CSMD2: variants seen among roughly 807,000 people sequenced by gnomAD.
CSMD2 encodes the protein CUB and sushi domain-containing protein 2.
CSMD2 carries 130 observed loss-of-function variants against 398.5 expected under a neutral mutation model. The observed-to-expected ratio is 0.33, with a 90% CI of 0.28 to 0.38. The LOEUF is 0.38. CSMD2 is among the 10% of genes least tolerant of loss of function. CSMD2 has a pLI of 1.00. For missense variants in CSMD2, 3,829 were observed against 4,764.9 expected, an observed-to-expected ratio of 0.80 and a Z score of 5.78; for synonymous variants, 1,828 against 1,908.5, an observed-to-expected ratio of 0.96 and a Z score of 1.10.
intron 46 of CSMD2, among the ~76,000 whole-genome samples, chr1:33,585,658 C>T (rs923225637): frequency 3.9e-5 from 6 of 152,224 alleles, no homozygotes; most frequent in African/African-American, 1.4e-4. Context: ...TCGTGGTCCT[C>T]TCCTGCCTCT....
At chr1:33,598,233 T>C (rs1309838276) in intron 44 of CSMD2, among the ~76,000 whole-genome samples, 1 of 152,228 alleles carries the variant, frequency 6.6e-6, no homozygotes, top group Non-Finnish European at 1.5e-5. Flanking sequence ...ACATACATGT[T>C]ACATACATTT....
At chr1:34,071,077 C>T (rs1363661823) in intron 2 of CSMD2, among the ~76,000 whole-genome samples, 1 of 152,196 alleles carries the variant, frequency 6.6e-6, no homozygotes, top group African/African-American at 2.4e-5. Context: ...CCTTATGAGA[C>T]TTAATAAGGC....
chr1:33,778,415 T>A (rs1020002587), intron 12 of CSMD2, among the ~76,000 whole-genome samples: 7 of 152,106 alleles, frequency 4.6e-5, no homozygotes, highest in African/African-American at 1.7e-4. Context: ...ATTGGGGGTA[T>A]AACAGCGAAT....
chr1:33,843,942 A>C (rs145002310), intron 6 of CSMD2, among the ~76,000 whole-genome samples: 6 of 152,100 alleles, frequency 3.9e-5, no homozygotes, highest in Non-Finnish European at 8.8e-5. Flanking sequence ...GTCCCTTTGC[A>C]CACCTAGTGG....
intron 44 of CSMD2, among the ~76,000 whole-genome samples, chr1:33,596,941 A>G (rs909884525): frequency 6.6e-6 from 1 of 152,008 alleles, no homozygotes; most frequent in Non-Finnish European, 1.5e-5. Flanking sequence ...CTTTCTTTTC[A>G]TTTGTGTGCT....
chr1:33,645,462 C>A (rs553660840), intron 29 of CSMD2, among the ~76,000 whole-genome samples: 3 of 151,322 alleles, frequency 2.0e-5, no homozygotes, highest in Non-Finnish European at 4.4e-5. Flanking sequence ...TTACTAGCAA[C>A]AATTTGTAGA....
At chr1:33,759,836 T>C (rs369644744) in intron 13 of CSMD2, among the ~76,000 whole-genome samples, 1 of 152,198 alleles carries the variant, frequency 6.6e-6, no homozygotes, top group East Asian at 1.9e-4. Flanking sequence ...GATGGCACTA[T>C]GGATAATTAC....
intron 5 of CSMD2, among the ~76,000 whole-genome samples, chr1:33,916,287 C>T (rs1036448407): frequency 3.9e-5 from 6 of 152,146 alleles, no homozygotes; most frequent in Non-Finnish European, 7.3e-5. Flanking sequence ...AAGGGGAGTA[C>T]ATCAAAATTG....
chr1:34,156,797 T>C (rs1294576459), intron 1 of CSMD2, among the ~76,000 whole-genome samples: 2 of 152,288 alleles, frequency 1.3e-5, no homozygotes, highest in East Asian at 3.9e-4. Context: ...AAAAGTTCCT[T>C]ATAATAATGA....
rs1661037105 is a variant in CSMD2 at position 34,111,107 on chromosome 1, C to T, written c.188-21914G>A. On this transcript the variant is annotated intron_variant, in intron 1 of 70. Coordinates refer to ENST00000373381, the MANE Select transcript of CSMD2 (RefSeq NM_001281956.2). ...AATATTTACTTCACAAGAGAAAGGCCTTTGTTTTACTCACTGATGCGTCCC... is the reference window on the plus strand; with the variant it reads ...AATATTTACTTCACAAGAGAAAGGCTTTTGTTTTACTCACTGATGCGTCCC... Among the ~76,000 whole-genome samples the T allele has an allele frequency of 2.0e-5, 3 of 152,106 alleles. No individual in the cohort carries two copies. In the South Asian group the frequency reaches 6.2e-4, roughly 31 times the overall value.
chr1:33,828,660 C>G (rs976389002), intron 6 of CSMD2, among the ~76,000 whole-genome samples: 5 of 152,074 alleles, frequency 3.3e-5, no homozygotes, highest in Non-Finnish European at 7.4e-5. Flanking sequence ...GGAGGCGATG[C>G]TAAGAGGGAG....
chr1:33,978,149 C>G (rs1646036639), intron 3 of CSMD2, among the ~76,000 whole-genome samples: 1 of 152,086 alleles, frequency 6.6e-6, no homozygotes, highest in South Asian at 2.1e-4. Flanking sequence ...GCAATTTTCC[C>G]AAGGTCATGC....
chr1:33,588,836 T>C (rs1257982679), intron 44 of CSMD2, among the ~76,000 whole-genome samples: 1 of 152,038 alleles, frequency 6.6e-6, no homozygotes, highest in Non-Finnish European at 1.5e-5. Flanking sequence ...CACTAGGTGG[T>C]AGAGTACAGT....
At chr1:33,538,341 A>G (rs964706387) in intron 60 of CSMD2, among the ~76,000 whole-genome samples, 14 of 152,216 alleles carry the variant, frequency 9.2e-5, no homozygotes, top group African/African-American at 3.4e-4. Context: ...TGGGTAGTGC[A>G]TGGGTGTACC....
chr1:34,164,110 G>C lies in CSMD2; in HGVS notation c.187+801C>G, dbSNP rs1386927593. ...AGCCGAGGCGCTCGGCTGCAGCAGG[G>C]CGCGGGAAAGGGCACTTTGGCGCGG... On this transcript the variant is annotated intron_variant, in intron 1 of 70. Coordinates refer to ENST00000373381, the MANE Select transcript of CSMD2 (RefSeq NM_001281956.2). This position sits in a 1 kb window ranked among gnomAD's most constrained non-coding sequence, Gnocchi z 6.2. 2.6e-5 allele frequency among the ~76,000 whole-genome samples: 4 copies of C among 152,154 alleles called. No individual in the cohort carries two copies. Among genetic ancestry groups the C allele is most frequent in the African/African-American group, 9.6e-5 (4 of 41,454 alleles).
chr1:33,546,132 C>T lies in CSMD2; in HGVS notation c.9005G>A (p.Arg3002His), dbSNP rs368320095. 1.1e-4 allele frequency: 183 copies of T among 1,614,186 alleles called. No homozygotes were observed. The highest frequency in any genetic ancestry group is 1.3e-4 in the East Asian group (6 of 44,880). The change falls in exon 57 of 71, where the codon CGC (arginine) becomes CAC (histidine). Residue 3002 changes from arginine to histidine, a missense_variant. Arg to His is a conservative substitution (Grantham distance 29, BLOSUM62 0). This residue lies in a region of CSMD2 where 917 missense variants were observed against 1,199.5 expected (regional missense o/e 0.76). Transcript: ENST00000373381. ...GDSFDPGTVM[R>H]FSCEAGHVLR... ...CACGTGGCCAGCTTCACAGCTGAAG[C>T]GCATCACAGTGCCTGGATCAAAGCT...
chr1:33,888,463 T>C (rs1409987839), intron 5 of CSMD2, among the ~76,000 whole-genome samples: 2 of 152,132 alleles, frequency 1.3e-5, no homozygotes, highest in Non-Finnish European at 2.9e-5. Flanking sequence ...TGTAGAACCA[T>C]GAATAGAGCT....
intron 13 of CSMD2, 145 bp from the exon 14 acceptor site, chr1:33,743,751 C>G: frequency 3.1e-6 from 2 of 642,682 alleles, no homozygotes; most frequent in Non-Finnish European, 5.3e-6. Flanking sequence ...TGGCTGGGCT[C>G]TGAGCTCCAG....
At chr1:33,517,361 G>A (rs1653857910) in intron 70 of CSMD2, among the ~76,000 whole-genome samples, 3 of 152,154 alleles carry the variant, frequency 2.0e-5, no homozygotes, top group Non-Finnish European at 2.9e-5. Flanking sequence ...CAGCCGACCC[G>A]GAGGTGACAG....
Sources: gnomAD v4.1 joint callset for allele counts (sites outside exome capture counted in the v4.1 genomes callset) on GRCh38, gnomAD v4.1.1 for gene constraint, gnomAD v4.1.1 regional missense constraint, Gnocchi (gnomAD v3.1) non-coding constraint, MANE v1.5 for transcripts, NCBI Gene and HGNC (gene_info 2026-07-23, HGNC 2026-07-21) for gene names.